ZMYND11: variants seen among roughly 807,000 people sequenced by gnomAD.
The protein encoded by ZMYND11 is zinc finger MYND domain-containing protein 11.
Under a neutral mutation model 84.9 loss-of-function variants are expected in ZMYND11, and 9 were observed. The ratio of observed to expected loss-of-function variants is 0.11; its 90% CI spans 0.06 to 0.18. The LOEUF (loss-of-function observed/expected upper bound fraction) is 0.18, where lower values mean the gene tolerates loss of function less well. Among genes scored for constraint, ZMYND11 ranks in the 10% least tolerant of loss-of-function variants. The probability of loss-of-function intolerance (pLI) is 1.00; values close to 1 mark genes in which losing one functional copy is unlikely to be tolerated. For missense variants in ZMYND11, 409 were observed against 761.0 expected (o/e 0.54, Z 5.44); for synonymous variants, 250 against 244.1 (o/e 1.02, Z -0.23).
intron 2 of ZMYND11, among the ~76,000 whole-genome samples, chr10:207,766 T>G (rs1944448010): frequency 6.6e-6 from 1 of 152,186 alleles, no homozygotes; most frequent in Non-Finnish European, 1.5e-5. Flanking sequence ...AAGCTACCAA[T>G]GACTTTCTTC....
intron 2 of ZMYND11, among the ~76,000 whole-genome samples, chr10:205,375 C>G (rs1943940129): frequency 6.6e-6 from 1 of 151,954 alleles, no homozygotes; most frequent in Admixed American, 6.6e-5. Context: ...GGTAATGATA[C>G]CTCTTTTATT....
In ZMYND11 at chr10:237,695, T is replaced by C. The variant is rs1184896206; in HGVS notation, c.609+18T>C. The C allele has an allele frequency of 1.9e-6, 3 of 1,575,150 alleles. No homozygotes were observed. The highest frequency in any genetic ancestry group is 3.6e-5 in the Admixed American group (2 of 55,494). On this transcript the variant is annotated intron_variant, in intron 6 of 14. Transcript: ENST00000381604. ...TTCAAGAGGTAAAGTCGGTTTCTTT[T>C]ATTTCCACTTCAAGTACATTTTCTT...
At chr10:149,103 T>C (rs1389376272) in intron 1 of ZMYND11, among the ~76,000 whole-genome samples, 1 of 152,008 alleles carries the variant, frequency 6.6e-6, no homozygotes, top group African/African-American at 2.4e-5. Context: ...GATGTCTGAC[T>C]CATGGCAAGT....
At position 253,407 on chromosome 10, in the gene ZMYND11, A is replaced by C. The variant is rs527554832; in HGVS notation, c.*937A>C. On this transcript the variant is annotated 3_prime_UTR_variant, in exon 15 of 15. Coordinates refer to ENST00000381604, the MANE Select transcript of ZMYND11 (RefSeq NM_001370100.5). ...AATACTAAAAGAAGAGAAAGCACTT[A>C]AGTTTCACAGAAGCCGTTATGTTTG... The C allele has an allele frequency of 1.2e-3, 189 of 152,770 alleles. No individual in the cohort carries two copies. The highest frequency in any genetic ancestry group is 4.2e-3 in the African/African-American group (174 of 41,588). The allele number at this position is 152,770 out of a possible 1,614,324, so 9.5% of individuals were successfully genotyped here.
chr10:244,636 A>G (rs1951747551), intron 10 of ZMYND11: 1 of 152,316 alleles, frequency 6.6e-6, no homozygotes, highest in Non-Finnish European at 1.5e-5. Flanking sequence ...CTTCGGGCTC[A>G]CTGACATCAG....
At chr10:155,602 A>G (rs879972005) in intron 1 of ZMYND11, among the ~76,000 whole-genome samples, 1 of 152,220 alleles carries the variant, frequency 6.6e-6, no homozygotes, top group Admixed American at 6.5e-5. Flanking sequence ...CTACAAACAC[A>G]CGAAAAAGGT....
At chr10:141,220 A>T (rs1169272930) in intron 1 of ZMYND11, among the ~76,000 whole-genome samples, 3 of 152,230 alleles carry the variant, frequency 2.0e-5, no homozygotes, top group African/African-American at 4.8e-5. Flanking sequence ...CTATTTTCAT[A>T]TAAGGAGAAT....
At chr10:145,898 T>C (rs921501877) in intron 1 of ZMYND11, among the ~76,000 whole-genome samples, 1 of 152,184 alleles carries the variant, frequency 6.6e-6, no homozygotes, top group Non-Finnish European at 1.5e-5. Flanking sequence ...TTAGGTCTTA[T>C]TTACTTTTGT....
At chr10:237,885 G>A (rs761091785) in intron 6 of ZMYND11, among the ~76,000 whole-genome samples, 2 of 152,256 alleles carry the variant, frequency 1.3e-5, no homozygotes, top group Middle Eastern at 3.4e-3. Context: ...TGCAAATTAG[G>A]TGTCATCTTT....
chr10:222,428 C>G (rs1947284948), intron 4 of ZMYND11, among the ~76,000 whole-genome samples: 1 of 152,160 alleles, frequency 6.6e-6, no homozygotes, highest in Admixed American at 6.5e-5. Flanking sequence ...ACTTGCCACT[C>G]AAATGCCTAG....
At chr10:147,763 G>C (rs1170911036) in intron 1 of ZMYND11, 1 of 151,644 alleles carries the variant, frequency 6.6e-6, no homozygotes, top group African/African-American at 2.4e-5. Context: ...GATATTCCCT[G>C]ATGGTCACAG....
chr10:206,378 A>G (rs192602500), intron 2 of ZMYND11, among the ~76,000 whole-genome samples: 2 of 152,248 alleles, frequency 1.3e-5, no homozygotes, highest in East Asian at 1.9e-4. Flanking sequence ...TAATAAATCA[A>G]TAGCTCTGTC....
At chr10:142,404 G>T (rs1480658575) in intron 1 of ZMYND11, among the ~76,000 whole-genome samples, 1 of 152,092 alleles carries the variant, frequency 6.6e-6, no homozygotes, top group Non-Finnish European at 1.5e-5. Flanking sequence ...TTTTTTAAAG[G>T]TGTCACTTTT....
intron 1 of ZMYND11, among the ~76,000 whole-genome samples, chr10:178,499 G>T (rs1847154512): frequency 6.6e-6 from 1 of 152,088 alleles, no homozygotes; most frequent in Non-Finnish European, 1.5e-5. Context: ...CTGAAAGTTG[G>T]TGCTCCAACA....
intron 1 of ZMYND11, among the ~76,000 whole-genome samples, chr10:167,393 A>G (rs1374816864): frequency 1.3e-5 from 2 of 152,138 alleles, no homozygotes; most frequent in Non-Finnish European, 2.9e-5. Context: ...TTTCTCACCC[A>G]CCATTTTGTT....
intron 1 of ZMYND11, among the ~76,000 whole-genome samples, chr10:166,338 A>T (rs868923846): frequency 9.2e-5 from 14 of 152,172 alleles, no homozygotes; most frequent in Admixed American, 6.6e-4. Flanking sequence ...ATGTTTGCAA[A>T]GCTTATATCT....
At chr10:169,104 A>G (rs149777922) in intron 1 of ZMYND11, among the ~76,000 whole-genome samples, 479 of 152,244 alleles carry the variant, frequency 3.1e-3, no homozygotes, top group African/African-American at 0.011. Context: ...GTATTACCAA[A>G]GCCTAACCTA....
intron 8 of ZMYND11, 35 bp from the exon 9 acceptor site, chr10:240,858 T>C: frequency 6.6e-7 from 1 of 1,513,120 alleles, no homozygotes; most frequent in Non-Finnish European, 9.1e-7. Flanking sequence ...TATGTATATT[T>C]TATGTAGGCT....
At chr10:231,393 C>G (rs759291820) in intron 4 of ZMYND11, among the ~76,000 whole-genome samples, 9 of 152,160 alleles carry the variant, frequency 5.9e-5, no homozygotes, top group Non-Finnish European at 1.3e-4. Flanking sequence ...GTCTAGATTT[C>G]CAATTTTGCA....
Sources: gnomAD v4.1 joint callset for allele counts (sites outside exome capture counted in the v4.1 genomes callset) on GRCh38, gnomAD v4.1.1 for gene constraint, MANE v1.5 for transcripts, NCBI Gene and HGNC (gene_info 2026-07-23, HGNC 2026-07-21) for gene names.